The following FGR variants were observed in gnomAD, a reference collection of about 807,000 sequenced individuals.
FGR encodes the protein FGR proto-oncogene, Src family tyrosine kinase.
A neutral mutation model predicts 63.2 loss-of-function variants in FGR; 26 were observed. The ratio of observed to expected loss-of-function variants is 0.41; its 90% confidence interval spans 0.30 to 0.57. The LOEUF is 0.57. Ranked by LOEUF, FGR falls within the 20% of genes least tolerant of loss-of-function variation. The probability of loss-of-function intolerance (pLI) is 0.27; values close to 1 mark genes in which losing one functional copy is unlikely to be tolerated. For synonymous variants in FGR, 286 were observed against 277.7 expected (o/e 1.03, Z -0.30); for missense variants, 511 against 690.8 (o/e 0.74, Z 2.92).
rs1281200976 is a variant in FGR at position 27,614,880 on chromosome 1, C to T, written c.1065G>A (p.Arg355=). ...CTGCCATGTCCACCAATTGGGGCAG[C>T]CTCAAATCCTGGCCCTCTGGGTTCT... ...FLKNPEGQDL[R]LPQLVDMAAQ... Residue 355 remains arginine, a synonymous_variant, in exon 10 of 13, where the codon AGG becomes AGA. Coordinates refer to ENST00000374005, the MANE Select transcript of FGR (RefSeq NM_005248.3). The T allele has an allele frequency of 4.4e-6, 7 of 1,597,944 alleles. No homozygotes were observed. The highest frequency in any genetic ancestry group is 1.3e-5 in the African/African-American group (1 of 74,526).
At chr1:27,633,939 G>A (rs1340614598) in intron 1 of FGR, among the ~76,000 whole-genome samples, 1 of 152,164 alleles carries the variant, frequency 6.6e-6, no homozygotes, top group African/African-American at 2.4e-5. Context: ...TGAGGAAAGT[G>A]AGGCCCAGAG....
chr1:27,613,574 G>C (rs1282514397), intron 11 of FGR, among the ~76,000 whole-genome samples: 1 of 151,856 alleles, frequency 6.6e-6, no homozygotes, highest in African/African-American at 2.4e-5. Context: ...ATGGTGGCGG[G>C]TGCCTGTAAT....
chr1:27,623,884 C>T lies in FGR; in HGVS notation c.33G>A (p.Pro11=), dbSNP rs148928565. The stretch of plus-strand genomic sequence containing the variant: ...CAGCATCCTCCTTGGCCGTGGCCAC[C>T]GGCTCCAATTTCTTGCAGAACACAC... MGCVFCKKLE[P]VATAKEDAGL... The change falls in exon 3 of 13, where the codon CCG becomes CCA. Residue 11 remains proline (P), a synonymous_variant. Transcript: ENST00000374005. 5.5e-5 allele frequency: 89 copies of T among 1,604,512 alleles called. No homozygotes were observed. The African/African-American group carries it at 7.5e-4, about 13-fold the overall frequency.
Position 27,621,526 on chromosome 1 carries a change from C to A in FGR, c.428+33G>T. On this transcript the variant is annotated intron_variant, in intron 5 of 12. Transcript: ENST00000374005. ...GGAGTCTGGACTCCAGGGTCCTGTC[C>A]ATAGGGCTGGTCTTGCCCCAATCCC... 3 of 1,536,048 alleles carry A rather than the reference C, an allele frequency of 2.0e-6. 1 individual carries two copies. Among genetic ancestry groups the A allele is most frequent in the Non-Finnish European group, 2.7e-6 (3 of 1,109,006 alleles).
At chr1:27,632,803 C>G (rs1222422615) in intron 1 of FGR, among the ~76,000 whole-genome samples, 1 of 152,124 alleles carries the variant, frequency 6.6e-6, no homozygotes, top group African/African-American at 2.4e-5. Flanking sequence ...ACAGTGTGGC[C>G]AGACAGGAAG....
Position 27,616,771 on chromosome 1 carries a change from G to A in FGR, c.682+86C>T, listed in dbSNP as rs1297106691. ...TCCGTCTGGCCAATACTGCTTGGTA[G>A]TCCCTTCCCTTCTCTGGGCCTCAGT... On this transcript the variant is annotated intron_variant, in intron 7 of 12. Coordinates refer to ENST00000374005, the MANE Select transcript of FGR (RefSeq NM_005248.3). This position sits in a 1 kb window ranked among gnomAD's most constrained non-coding sequence, Gnocchi z 4.3. 1 of 1,456,166 alleles carries A rather than the reference G, an allele frequency of 6.9e-7. No individual in the cohort carries two copies. The highest frequency in any genetic ancestry group is 9.6e-7 in the Non-Finnish European group (1 of 1,043,614). 90.2% of individuals were successfully genotyped at this position (1,456,166 alleles called of 1,614,324 possible). A position where few individuals can be genotyped will look rare whatever the true frequency, so the allele number is the denominator to read the frequency against.
rs185011957 is a variant in FGR, at chr1:27,619,446, C to T, written c.428+2113G>A. Among the ~76,000 whole-genome samples the T allele has an allele frequency of 2.6e-3, 392 of 152,350 alleles. 14 individuals are homozygous for T. The highest frequency in any genetic ancestry group is 0.016 in the Admixed American group (248 of 15,304). On this transcript the variant is annotated intron_variant, in intron 5 of 12. Transcript: ENST00000374005. ...CCTCATGTGATCCGCCCGCCTCGGCCTCCCAAAGTGCTGGGATTACATGCA... is the reference window on the plus strand; with the variant it reads ...CCTCATGTGATCCGCCCGCCTCGGCTTCCCAAAGTGCTGGGATTACATGCA...
rs570998738 is a variant in FGR at position 27,626,308 on chromosome 1, C to A, written c.-76-1157G>T. The stretch of plus-strand genomic sequence containing the variant: ...AATGGAGAGTTTAGGGTGGGGCCAA[C>A]CTTGTGAACCCTGATTTGCCCCAGA... On this transcript the variant is annotated intron_variant, in intron 1 of 12. Transcript: ENST00000374005. 3.3e-5 allele frequency: 13 copies of A among 398,052 alleles called. No individual in the cohort carries two copies. In the South Asian group the frequency reaches 1.6e-3, roughly 48 times the overall value. 24.7% of individuals were successfully genotyped at this position (398,052 alleles called of 1,614,324 possible).
At chr1:27,631,794 C>T (rs2090109240) in intron 1 of FGR, among the ~76,000 whole-genome samples, 1 of 152,090 alleles carries the variant, frequency 6.6e-6, no homozygotes, top group Non-Finnish European at 1.5e-5. Flanking sequence ...GCTGAGCTGG[C>T]CCAGCCGCCT....
At chr1:27,626,131 A>T in intron 1 of FGR, 1 of 398,672 alleles carries the variant, frequency 2.5e-6, no homozygotes, top group East Asian at 3.6e-5. Context: ...AAGCCCCACA[A>T]TGAGCCAACC....
chr1:27,615,009 C>T lies in FGR; in HGVS notation c.1019-83G>A. On this transcript the variant is annotated intron_variant, in intron 9 of 12. Coordinates refer to ENST00000374005, the MANE Select transcript of FGR (RefSeq NM_005248.3). The surrounding 1 kb of genome is among the most constrained non-coding windows in gnomAD (Gnocchi z 7.6). Reference sequence around the variant, plus strand: ...CCTCTCGCTTGACCCCGCCCCTCAGCCCCTCCCACCTGGACCCGCCCCTCA... The same window carrying T: ...CCTCTCGCTTGACCCCGCCCCTCAGTCCCTCCCACCTGGACCCGCCCCTCA... 2 of 1,118,860 alleles carry T rather than the reference C, an allele frequency of 1.8e-6. No homozygotes were observed. Among genetic ancestry groups the T allele is most frequent in the South Asian group, 2.7e-5 (2 of 74,312 alleles). 69.3% of individuals were successfully genotyped at this position (1,118,860 alleles called of 1,614,324 possible). A position where few individuals can be genotyped will look rare whatever the true frequency, so the allele number is the denominator to read the frequency against.
rs2089926563 is a variant in FGR, at chr1:27,621,576, G to A, written c.411C>T (p.Asp137=). 1.2e-6 allele frequency: 2 copies of A among 1,613,648 alleles called. No homozygotes were observed. The highest frequency in any genetic ancestry group is 8.5e-7 in the Non-Finnish European group (1 of 1,179,798). Residue 137 remains aspartate (D), a synonymous_variant, in exon 5 of 13, where the codon GAC becomes GAT. Coordinates refer to ENST00000374005, the MANE Select transcript of FGR (RefSeq NM_005248.3). ...CTACTTACTCTTCAGCTTGGATTGA[G>A]TCAACAGGGGCCACGTAGTTGCTGG... is the stretch of plus-strand genomic sequence containing the variant. ...CIPSNYVAPV[D]SIQAEEWYFG...
At chr1:27,618,126 T>G (rs1241933623) in intron 5 of FGR, among the ~76,000 whole-genome samples, 1 of 152,056 alleles carries the variant, frequency 6.6e-6, no homozygotes, top group Non-Finnish European at 1.5e-5. Context: ...AGTCCGCCCC[T>G]GGGTACTAGG....
Position 27,623,812 on chromosome 1 carries a change from C to T in FGR, c.105G>A (p.Gly35=). Residue 35 remains glycine, a synonymous_variant, in exon 3 of 13, where the codon GGG becomes GGA. Coordinates refer to ENST00000374005, the MANE Select transcript of FGR (RefSeq NM_005248.3). The part of the protein sequence containing the change: ...FRSYGAADHY[G]PDPTKARPAS... Reference sequence around the variant, plus strand: ...CAGGCCGGGCCTTAGTGGGGTCAGGCCCATAGTGGTCTGCTGCCCCGTAGC... The same window carrying T: ...CAGGCCGGGCCTTAGTGGGGTCAGGTCCATAGTGGTCTGCTGCCCCGTAGC... The T allele has an allele frequency of 1.2e-6, 2 of 1,614,202 alleles. No homozygotes were observed. Among genetic ancestry groups the T allele is most frequent in the South Asian group, 1.1e-5 (1 of 91,080 alleles).
rs747247335 is a variant in FGR at position 27,621,591 on chromosome 1, G to A, written c.396C>T (p.Tyr132=). ...SGKTGCIPSN[Y]VAPVDSIQAE... ...CTTGGATTGAGTCAACAGGGGCCAC[G>A]TAGTTGCTGGGAATGCAGCCAGTTT... The change falls in exon 5 of 13, where the codon TAC becomes TAT. Residue 132 remains tyrosine, a synonymous_variant. Coordinates refer to ENST00000374005, the MANE Select transcript of FGR (RefSeq NM_005248.3). 39 of 1,613,768 alleles carry A rather than the reference G, an allele frequency of 2.4e-5. No homozygotes were observed. Among genetic ancestry groups the A allele is most frequent in the South Asian group, 3.3e-5 (3 of 91,078 alleles).
intron 1 of FGR, among the ~76,000 whole-genome samples, chr1:27,627,064 T>C (rs536394573): frequency 6.6e-6 from 1 of 152,170 alleles, no homozygotes; most frequent in South Asian, 2.1e-4. Context: ...TCCCAGCTAC[T>C]CGGGAGGCTG....
In FGR at chr1:27,617,829, G is replaced by A. The variant is rs1222002354; in HGVS notation, c.429-533C>T. ...GCTTCTCTTCTCTCTGGCTGCTCCC[G>A]CCCCGGCTACTGCTCTTCCTGCACT... On this transcript the variant is annotated intron_variant, in intron 5 of 12. Transcript: ENST00000374005. The surrounding 1 kb of genome is among the most constrained non-coding windows in gnomAD (Gnocchi z 4.5). 6.6e-6 allele frequency among the ~76,000 whole-genome samples: 1 copy of A among 152,086 alleles called. No homozygotes were observed.
intron 1 of FGR, among the ~76,000 whole-genome samples, chr1:27,634,586 C>T (rs1470364862): frequency 6.6e-6 from 1 of 152,112 alleles, no homozygotes; most frequent in African/African-American, 2.4e-5. Flanking sequence ...TCCTCAACCC[C>T]CTTCCCGCCA....
chr1:27,634,108 G>A (rs1030858025), intron 1 of FGR, among the ~76,000 whole-genome samples: 1 of 143,288 alleles, frequency 7.0e-6, no homozygotes, highest in African/African-American at 2.6e-5. Context: ...CCACCAGACC[G>A]AGGATTCCAA....
Sources: gnomAD v4.1 joint callset for allele counts (sites outside exome capture counted in the v4.1 genomes callset) on GRCh38, gnomAD v4.1.1 for gene constraint, Gnocchi (gnomAD v3.1) non-coding constraint, MANE v1.5 for transcripts, NCBI Gene and HGNC (gene_info 2026-07-23, HGNC 2026-07-21) for gene names.